ODR4: variants seen among roughly 807,000 people sequenced by gnomAD.
The protein encoded by ODR4 is odr-4 GPCR localization factor homolog.
In ODR4, 47 loss-of-function variants were observed where a neutral mutation model predicts 60.2. That is an observed-to-expected ratio of 0.78 (90% CI 0.62 to 1.00). The LOEUF is 1.00. Among genes scored for constraint, ODR4 ranks in the 50% least tolerant of loss-of-function variants. The pLI is 0.00. For missense variants in ODR4, 488 were observed against 530.8 expected (o/e 0.92, Z 0.79); for synonymous variants, 178 against 175.5 (o/e 1.01, Z -0.11).
In ODR4 at chr1:186,419,865, C is replaced by T. The variant is rs1661717010; in HGVS notation, c.*789C>T. The T allele has an allele frequency of 6.6e-6, 1 of 152,176 alleles. No individual in the cohort carries two copies. Among genetic ancestry groups the T allele is most frequent in the Non-Finnish European group, 1.5e-5 (1 of 68,054 alleles). The allele number at this position is 152,176 out of a possible 1,614,324, so 9.4% of individuals were successfully genotyped here. On this transcript the variant is annotated 3_prime_UTR_variant, in exon 14 of 14. Coordinates refer to ENST00000287859, the MANE Select transcript of ODR4 (RefSeq NM_017847.6). ...TCCTCTAGGAGCTTTCTAATGTGCA[C>T]TCAGTTCCTGTATACTGTGTGTTTT...
intron 12 of ODR4, among the ~76,000 whole-genome samples, chr1:186,413,733 A>G (rs1429437526): frequency 2.0e-5 from 3 of 152,236 alleles, no homozygotes; most frequent in Non-Finnish European, 4.4e-5. Flanking sequence ...TTATGGCTAC[A>G]TCGCTGACTA....
At chr1:186,396,086 G>A (rs1394710685) in intron 9 of ODR4, among the ~76,000 whole-genome samples, 6 of 152,080 alleles carry the variant, frequency 3.9e-5, no homozygotes, top group African/African-American at 1.4e-4. Context: ...TGTACATTAA[G>A]ATCTAGCCCA....
chr1:186,395,275 T>C (rs1205385805), intron 9 of ODR4, among the ~76,000 whole-genome samples: 1 of 4,318 alleles, frequency 2.3e-4, no homozygotes, highest in Non-Finnish European at 3.6e-4. Flanking sequence ...TTTGTATTTT[T>C]AGTAGAGACG....
chr1:186,411,761 T>C, intron 12 of ODR4: 1 of 486,114 alleles, frequency 2.1e-6, no homozygotes, highest in Non-Finnish European at 2.7e-6. Context: ...TGTTTCACAC[T>C]GTATTTAAAA....
At chr1:186,395,038 T>A (rs1272548768) in intron 9 of ODR4, among the ~76,000 whole-genome samples, 1 of 152,186 alleles carries the variant, frequency 6.6e-6, no homozygotes, top group East Asian at 1.9e-4. Context: ...GTATAGAGTG[T>A]GGGAATATAG....
At position 186,389,631 on chromosome 1, in the gene ODR4, A is replaced by G. The variant is rs1213858537; in HGVS notation, c.474+7A>G. On this transcript the variant is annotated splice_region_variant and intron_variant, in intron 6 of 13. Transcript: ENST00000287859. ...TGATATCCATGATCCAAAGGTAAGA[A>G]ATTTACTCTTTAAAGATTTTTCTGT... 2.0e-6 allele frequency: 3 copies of G among 1,492,278 alleles called. No individual in the cohort carries two copies. The highest frequency in any genetic ancestry group is 2.7e-6 in the Non-Finnish European group (3 of 1,101,724). 92.4% of individuals were successfully genotyped at this position (1,492,278 alleles called of 1,614,324 possible). A position where few individuals can be genotyped will look rare whatever the true frequency, so the allele number is the denominator to read the frequency against.
At chr1:186,415,646 C>T (rs550636292) in intron 12 of ODR4, among the ~76,000 whole-genome samples, 45 of 152,202 alleles carry the variant, frequency 3.0e-4, no homozygotes, top group South Asian at 6.2e-4. Flanking sequence ...CTTTTTTACA[C>T]ACTGGGAATT....
intron 4 of ODR4, among the ~76,000 whole-genome samples, chr1:186,387,119 A>G (rs1362398391): frequency 6.6e-6 from 1 of 152,118 alleles, no homozygotes; most frequent in Non-Finnish European, 1.5e-5. Flanking sequence ...TTTAGGTAAA[A>G]AATATACAGC....
intron 12 of ODR4, among the ~76,000 whole-genome samples, chr1:186,415,201 A>G (rs973173444): frequency 6.6e-6 from 1 of 152,172 alleles, no homozygotes; most frequent in African/African-American, 2.4e-5. Flanking sequence ...CTAATAAGAT[A>G]GTTACTAGGA....
At chr1:186,391,302 A>G (rs1218008015) in intron 7 of ODR4, among the ~76,000 whole-genome samples, 2 of 144,790 alleles carry the variant, frequency 1.4e-5, no homozygotes, top group African/African-American at 2.5e-5. Flanking sequence ...TTTTATTTTT[A>G]TCTTATTTTT....
At chr1:186,410,741 T>C (rs1453003476) in intron 12 of ODR4, among the ~76,000 whole-genome samples, 1 of 152,080 alleles carries the variant, frequency 6.6e-6, no homozygotes, top group Non-Finnish European at 1.5e-5. Context: ...GTGGGCTGGG[T>C]GCGGTGGCTC....
intron 12 of ODR4, among the ~76,000 whole-genome samples, chr1:186,408,767 T>C (rs1053127361): frequency 6.3e-4 from 96 of 151,762 alleles, no homozygotes; most frequent in African/African-American, 2.1e-3. Flanking sequence ...ATTCTTAAAC[T>C]AAGAATGACT....
intron 11 of ODR4, among the ~76,000 whole-genome samples, chr1:186,402,226 C>CTTTCT (rs1553237007): frequency 3.3e-5 from 5 of 149,260 alleles, no homozygotes; most frequent in Non-Finnish European, 4.4e-5. Flanking sequence ...TTCTTTCTTT[C>CTTTCT]TTTCTTTCCT....
intron 12 of ODR4, among the ~76,000 whole-genome samples, chr1:186,411,595 G>A (rs1318080715): frequency 6.6e-6 from 1 of 151,454 alleles, no homozygotes; most frequent in Non-Finnish European, 1.5e-5. Context: ...TTTATCATTA[G>A]CATTATTTGT....
At chr1:186,415,143 T>C (rs770676769) in intron 12 of ODR4, among the ~76,000 whole-genome samples, 17 of 152,104 alleles carry the variant, frequency 1.1e-4, no homozygotes, top group Non-Finnish European at 2.4e-4. Context: ...GTATTTTAGT[T>C]AAATGCTAGA....
In ODR4 at chr1:186,393,933, T is replaced by C. The variant is rs538181505; in HGVS notation, c.712-14T>C. ...GCTTCACAGTTTGGCTTTTTAACTT[T>C]TGTGTTTTTTCAGAAAAAATCTTCT... On this transcript the variant is annotated splice_polypyrimidine_tract_variant and intron_variant, in intron 8 of 13. Coordinates refer to ENST00000287859, the MANE Select transcript of ODR4 (RefSeq NM_017847.6). 1.0e-5 allele frequency: 15 copies of C among 1,461,894 alleles called. No homozygotes were observed. In the Admixed American group the frequency reaches 1.2e-4, roughly 12 times the overall value. 90.6% of individuals were successfully genotyped at this position (1,461,894 alleles called of 1,614,324 possible).
intron 4 of ODR4, among the ~76,000 whole-genome samples, chr1:186,387,172 G>C (rs1660285049): frequency 6.6e-6 from 1 of 152,042 alleles, no homozygotes; most frequent in Admixed American, 6.6e-5. Context: ...CTTGTAACCT[G>C]TCCTGTCAGA....
At chr1:186,377,007 G>A (rs773628712) in intron 1 of ODR4, among the ~76,000 whole-genome samples, 1 of 152,110 alleles carries the variant, frequency 6.6e-6, no homozygotes, top group Non-Finnish European at 1.5e-5. Flanking sequence ...TTGTCCCTTG[G>A]TATCCGTGGG....
intron 12 of ODR4, among the ~76,000 whole-genome samples, chr1:186,415,732 G>A (rs1661538497): frequency 6.6e-6 from 1 of 152,170 alleles, no homozygotes; most frequent in African/African-American, 2.4e-5. Context: ...AGCCTGTGTG[G>A]TCTCTGAGGA....
Sources: gnomAD v4.1 joint callset for allele counts (sites outside exome capture counted in the v4.1 genomes callset) on GRCh38, gnomAD v4.1.1 for gene constraint, MANE v1.5 for transcripts, NCBI Gene and HGNC (gene_info 2026-07-23, HGNC 2026-07-21) for gene names.